Variants in ECPAS observed in about 807,000 individuals in gnomAD.
ECPAS encodes the protein Ecm29 proteasome adaptor and scaffold.
Under a neutral mutation model 255.1 loss-of-function variants are expected in ECPAS, and 70 were observed. The observed-to-expected ratio is 0.27, with a 90% confidence interval of 0.23 to 0.33. ECPAS has a LOEUF of 0.33. Among genes scored for constraint, ECPAS ranks in the 10% least tolerant of loss-of-function variants. The pLI is 1.00. For synonymous variants in ECPAS, 784 were observed against 775.0 expected, an observed-to-expected ratio of 1.01 and a Z score of -0.19; for missense variants, 1,817 against 2,206.4, an observed-to-expected ratio of 0.82 and a Z score of 3.54.
Position 111,414,572 on chromosome 9 carries a change from T to A in ECPAS, c.1844A>T (p.Asp615Val). 1 of 1,614,014 alleles carries A rather than the reference T, an allele frequency of 6.2e-7. No individual in the cohort carries two copies. The highest frequency in any genetic ancestry group is 8.5e-7 in the Non-Finnish European group (1 of 1,179,886). The change falls in exon 19 of 50, where the codon GAT becomes GTT. Residue 615 changes from aspartate (D) to valine (V), a missense_variant. Coordinates refer to ENST00000684092, the MANE Select transcript of ECPAS (RefSeq NM_001364929.1). Reference sequence around the variant, plus strand: ...GTAGCGCCCAATGGCTGGGGCATGATCCTGCATATCAGCCAAACTCTGAGA... The same window carrying A: ...GTAGCGCCCAATGGCTGGGGCATGAACCTGCATATCAGCCAAACTCTGAGA... ...PTSQSLADMQ[D>V]HAPAIGRYIR...
At chr9:111,366,396 AT>A (rs1213341606) in intron 47 of ECPAS, 69 bp from the exon 48 acceptor site, 10 of 1,357,332 alleles carry the variant, frequency 7.4e-6, no homozygotes, top group Non-Finnish European at 1.0e-5. Context: ...TCCTGTCACA[AT>A]TTCTATCTGT....
chr9:111,468,628 T>TGAGA (rs199930694), intron 2 of ECPAS, among the ~76,000 whole-genome samples: 233 of 140,040 alleles, frequency 1.7e-3, no homozygotes, highest in Middle Eastern at 3.8e-3. Flanking sequence ...AGAGAGTGAG[T>TGAGA]GAGAGAGAGA....
chr9:111,373,872 A>T (rs2098130333), intron 39 of ECPAS, 100 bp downstream of exon 39: 2 of 853,044 alleles, frequency 2.3e-6, no homozygotes, highest in East Asian at 4.9e-5. Context: ...ACACAGCATC[A>T]CAAGCAGGTC....
At chr9:111,441,341 TA>T (rs1437787528) in intron 5 of ECPAS, among the ~76,000 whole-genome samples, 2 of 151,806 alleles carry the variant, frequency 1.3e-5, no homozygotes, top group Non-Finnish European at 2.9e-5. Context: ...CCATCTCTTC[TA>T]AAAATACAAA....
At chr9:111,441,842 G>C (rs2098246415) in intron 5 of ECPAS, among the ~76,000 whole-genome samples, 1 of 152,180 alleles carries the variant, frequency 6.6e-6, no homozygotes, top group African/African-American at 2.4e-5. Context: ...CTATGACAGA[G>C]CTAGAACAAA....
intron 13 of ECPAS, 144 bp downstream of exon 13, chr9:111,423,055 G>A: frequency 1.6e-6 from 1 of 612,244 alleles, no homozygotes; most frequent in Non-Finnish European, 2.9e-6. Flanking sequence ...CTTCTACACA[G>A]AAGACATTTC....
chr9:111,414,091 T>C (rs2098199279), intron 19 of ECPAS, 105 bp from the exon 20 acceptor site: 1 of 694,876 alleles, frequency 1.4e-6, no homozygotes, highest in Middle Eastern at 2.7e-4. Context: ...GCACACATTC[T>C]TTCGGTTCTA....
chr9:111,363,842 T>C (rs577682904), intron 48 of ECPAS, among the ~76,000 whole-genome samples, 183 bp from the exon 49 acceptor site: 2 of 152,244 alleles, frequency 1.3e-5, no homozygotes, highest in South Asian at 2.1e-4. Context: ...TGTGTGCTAA[T>C]GTCCACAGTC....
At chr9:111,425,568 T>A in intron 11 of ECPAS, 72 bp from the exon 12 acceptor site, 2 of 1,173,652 alleles carry the variant, frequency 1.7e-6, no homozygotes, top group Non-Finnish European at 2.4e-6. Flanking sequence ...GATGATTACA[T>A]AAAATAATGA....
intron 3 of ECPAS, among the ~76,000 whole-genome samples, chr9:111,451,035 A>AT (rs930221956): frequency 4.6e-5 from 7 of 152,088 alleles, no homozygotes; most frequent in African/African-American, 9.6e-5. Context: ...TTTTGCTTAA[A>AT]TTTTTTTTTA....
In ECPAS at chr9:111,436,999, A is replaced by T. The variant is rs769588242; in HGVS notation, c.649T>A (p.Phe217Ile). Residue 217 changes from phenylalanine to isoleucine, a missense_variant, in exon 7 of 50, where the codon TTT becomes ATT. This residue lies in a region of ECPAS where 573 missense variants were observed against 716.2 expected (regional missense o/e 0.80). Coordinates refer to ENST00000684092, the MANE Select transcript of ECPAS (RefSeq NM_001364929.1). Reference sequence around the variant, plus strand: ...CCAATAACTCGTTTGGCTGCATAAAAGCTCATTCCCGGAGGAGGCTGTGGG... The same window carrying T: ...CCAATAACTCGTTTGGCTGCATAAATGCTCATTCCCGGAGGAGGCTGTGGG... ...GIPQPPPGMS[F>I]YAAKRVIGDN... 3.1e-6 allele frequency: 5 copies of T among 1,613,292 alleles called. No individual in the cohort carries two copies. In the Admixed American group the frequency reaches 8.3e-5, roughly 27 times the overall value.
At chr9:111,406,533 G>T (rs1409889644) in intron 24 of ECPAS, among the ~76,000 whole-genome samples, 3 of 149,934 alleles carry the variant, frequency 2.0e-5, no homozygotes, top group Non-Finnish European at 4.4e-5. Flanking sequence ...ACAAAGAAAT[G>T]ATAAATGCTT....
At chr9:111,477,002 A>T (rs1377772978) in intron 1 of ECPAS, among the ~76,000 whole-genome samples, 1 of 151,618 alleles carries the variant, frequency 6.6e-6, no homozygotes, top group Non-Finnish European at 1.5e-5. Flanking sequence ...GGGTTTCTCC[A>T]TGTTGGTCAG....
intron 38 of ECPAS, 97 bp from the exon 39 acceptor site, chr9:111,374,135 T>C (rs1178344717): frequency 4.5e-6 from 4 of 893,620 alleles, no homozygotes; most frequent in Non-Finnish European, 5.6e-6. Flanking sequence ...ACATATAAAA[T>C]ACATGAAGCC....
chr9:111,365,919 T>G, intron 48 of ECPAS: 1 of 235,762 alleles, frequency 4.2e-6, no homozygotes, highest in Non-Finnish European at 8.2e-6. Context: ...TAACAAATGA[T>G]TCTGCATAAA....
At chr9:111,368,939 A>G in intron 46 of ECPAS, 96 bp downstream of exon 46, 1 of 1,216,198 alleles carries the variant, frequency 8.2e-7, no homozygotes, top group Non-Finnish European at 1.1e-6. Flanking sequence ...CAGGCTCGAT[A>G]AGAAACAATA....
intron 23 of ECPAS, among the ~76,000 whole-genome samples, chr9:111,409,321 A>G (rs57274154): frequency 0.056 from 8,469 of 152,228 alleles, 571 homozygotes; most frequent in African/African-American, 0.15. Context: ...CACTTTCGGA[A>G]GCCGAGGCAG....
intron 3 of ECPAS, among the ~76,000 whole-genome samples, chr9:111,450,770 A>C (rs912839155): frequency 1.3e-5 from 2 of 152,128 alleles, no homozygotes; most frequent in Non-Finnish European, 2.9e-5. Flanking sequence ...TCCACAAAAA[A>C]TTTAAACATT....
intron 34 of ECPAS, 67 bp from the exon 35 acceptor site, chr9:111,383,399 A>G (rs533550385): frequency 1.6e-4 from 251 of 1,531,824 alleles, no homozygotes; most frequent in Non-Finnish European, 2.1e-4. Flanking sequence ...TCATCTGACA[A>G]AAGACTTTCT....
Sources: allele counts gnomAD v4.1 joint callset (sites outside exome capture counted in the v4.1 genomes callset), GRCh38; gene constraint gnomAD v4.1.1; regional missense constraint gnomAD v4.1.1; transcripts MANE v1.5; gene names NCBI Gene and HGNC (gene_info 2026-07-23, HGNC 2026-07-21).